TNPO3: variants seen among roughly 807,000 people sequenced by gnomAD.
TNPO3 encodes transportin 3, also known as transportin-3.
In TNPO3, 65 loss-of-function variants were observed where a neutral mutation model predicts 122.8. That is an observed-to-expected ratio of 0.53 (90% CI 0.43 to 0.65). The LOEUF (loss-of-function observed/expected upper bound fraction) is 0.65. Ranked by LOEUF, TNPO3 falls within the 30% of genes least tolerant of loss-of-function variation. The probability of loss-of-function intolerance (pLI) is 0.00; values close to 1 mark genes in which losing one functional copy is unlikely to be tolerated. For synonymous variants in TNPO3, 372 were observed against 411.2 expected (o/e 0.90, Z 1.15); for missense variants, 850 against 1,136.7 (o/e 0.75, Z 3.63).
chr7:128,994,517 G>A (rs1377042759), intron 8 of TNPO3, among the ~76,000 whole-genome samples: 1 of 152,078 alleles, frequency 6.6e-6, no homozygotes, highest in Non-Finnish European at 1.5e-5. Context: ...GGGAGAGTGA[G>A]AAGTGACCTG....
intron 8 of TNPO3, among the ~76,000 whole-genome samples, chr7:128,994,633 T>C (rs1801113846): frequency 6.6e-6 from 1 of 152,070 alleles, no homozygotes; most frequent in Admixed American, 6.5e-5. Context: ...TCAACCACTG[T>C]CACAATAACT....
chr7:129,017,925 C>CA (rs1199769947), intron 2 of TNPO3, 32 bp downstream of exon 2: 2 of 1,606,300 alleles, frequency 1.2e-6, no homozygotes, highest in Non-Finnish European at 8.5e-7. Context: ...AATGGCCATA[C>CA]AAATTTCTCT....
At chr7:128,957,520 T>C (rs1284890381) in intron 21 of TNPO3, among the ~76,000 whole-genome samples, 2 of 152,176 alleles carry the variant, frequency 1.3e-5, no homozygotes, top group Non-Finnish European at 1.5e-5. Flanking sequence ...AGCTTGGTGG[T>C]CTTCAAAGGG....
At chr7:128,997,192 A>T (rs1801426109) in intron 8 of TNPO3, among the ~76,000 whole-genome samples, 197 bp downstream of exon 8, 1 of 152,052 alleles carries the variant, frequency 6.6e-6, no homozygotes, top group Non-Finnish European at 1.5e-5. Context: ...GAGACAGGGG[A>T]TTCCCTATGT....
At chr7:129,026,902 C>T (rs73240327) in intron 1 of TNPO3, among the ~76,000 whole-genome samples, 58,937 of 151,898 alleles carry the variant, frequency 0.39, 12,706 homozygotes, top group Non-Finnish European at 0.48. Context: ...AAGTGATCTG[C>T]CTACCTCAGC....
intron 4 of TNPO3, among the ~76,000 whole-genome samples, chr7:129,005,705 T>A (rs1350861250): frequency 6.6e-6 from 1 of 151,830 alleles, no homozygotes; most frequent in Non-Finnish European, 1.5e-5. Context: ...CAGAAGCCTG[T>A]ACAGCCCACA....
intron 1 of TNPO3, among the ~76,000 whole-genome samples, chr7:129,038,182 C>G (rs4731541): frequency 0.6 from 90,866 of 151,994 alleles, 27,385 homozygotes; most frequent in South Asian, 0.62. Context: ...TTCTTGTCAA[C>G]AATGAGGATG....
intron 19 of TNPO3, 134 bp downstream of exon 19, chr7:128,972,292 T>C (rs1424105514): frequency 2.0e-6 from 2 of 1,013,882 alleles, no homozygotes; most frequent in South Asian, 1.7e-5. Flanking sequence ...GGCTAGTGAA[T>C]GATCCACTAT....
chr7:129,026,304 A>T (rs1805161521), intron 1 of TNPO3, among the ~76,000 whole-genome samples: 1 of 152,140 alleles, frequency 6.6e-6, no homozygotes, highest in African/African-American at 2.4e-5. Flanking sequence ...GCAAACCAGT[A>T]ATCTTAGAGG....
intron 11 of TNPO3, among the ~76,000 whole-genome samples, chr7:128,988,469 T>C (rs1800404327): frequency 6.6e-6 from 1 of 152,170 alleles, no homozygotes; most frequent in African/African-American, 2.4e-5. Context: ...TCTAATAATG[T>C]AGACTTCTGT....
At chr7:128,978,491 T>C (rs1799303892) in intron 16 of TNPO3, among the ~76,000 whole-genome samples, 2 of 152,232 alleles carry the variant, frequency 1.3e-5, no homozygotes, top group Non-Finnish European at 2.9e-5. Context: ...ACTGTGTTGC[T>C]ACTTAGAATA....
intron 1 of TNPO3, among the ~76,000 whole-genome samples, chr7:129,042,138 G>C (rs2150538274): frequency 6.6e-6 from 1 of 152,150 alleles, no homozygotes; most frequent in South Asian, 2.1e-4. Context: ...AAATTAAGCA[G>C]AATTACCTAA....
chr7:128,975,278 T>A (rs558453040), intron 17 of TNPO3, among the ~76,000 whole-genome samples: 2 of 152,188 alleles, frequency 1.3e-5, no homozygotes, highest in Non-Finnish European at 2.9e-5. Context: ...TTAGGTATAG[T>A]CCACTAAGGG....
chr7:128,954,587 C>T lies in TNPO3; in HGVS notation c.*830G>A, dbSNP rs1440140198. On this transcript the variant is annotated 3_prime_UTR_variant, in exon 23 of 23. Transcript: ENST00000265388. ...TGGCTCTTCTCTCCAAGGCAGACAA[C>T]AAACTGATGTGGATTGGAAGTGGAC... 1 of 122,446 alleles carries T rather than the reference C, an allele frequency of 8.2e-6. No individual in the cohort carries two copies. Among genetic ancestry groups the T allele is most frequent in the African/African-American group, 3.1e-5 (1 of 32,072 alleles). The allele number at this position is 122,446 out of a possible 1,614,324, so 7.6% of individuals were successfully genotyped here.
intron 1 of TNPO3, among the ~76,000 whole-genome samples, chr7:129,025,206 C>T (rs1405050342): frequency 4.6e-5 from 7 of 150,710 alleles, no homozygotes; most frequent in South Asian, 2.1e-4. Flanking sequence ...AAAAATTAGC[C>T]GGGCGTGGTG....
intron 1 of TNPO3, among the ~76,000 whole-genome samples, chr7:129,050,847 T>C (rs903130696): frequency 1.3e-5 from 2 of 152,130 alleles, no homozygotes; most frequent in Admixed American, 6.5e-5. Flanking sequence ...CCCTTCTCGA[T>C]GATCCATTAA....
At chr7:129,011,219 G>A (rs1204309999) in intron 4 of TNPO3, among the ~76,000 whole-genome samples, 5 of 152,184 alleles carry the variant, frequency 3.3e-5, no homozygotes, top group Non-Finnish European at 5.9e-5. Flanking sequence ...TCTATAAAAT[G>A]ACTGGTACAA....
At chr7:128,971,138 T>C (rs1490544585) in intron 19 of TNPO3, 1 of 151,950 alleles carries the variant, frequency 6.6e-6, no homozygotes, top group Non-Finnish European at 1.5e-5. Flanking sequence ...TTTTTTCTTC[T>C]TGCGGTCTTT....
At chr7:129,000,179 C>T (rs1457035140) in intron 7 of TNPO3, among the ~76,000 whole-genome samples, 1 of 152,146 alleles carries the variant, frequency 6.6e-6, no homozygotes, top group Non-Finnish European at 1.5e-5. Flanking sequence ...ATTGGAAAGG[C>T]TTGCTTTCTA....
Sources: allele counts gnomAD v4.1 joint callset (sites outside exome capture counted in the v4.1 genomes callset), GRCh38; gene constraint gnomAD v4.1.1; transcripts MANE v1.5; gene names NCBI Gene and HGNC (gene_info 2026-07-23, HGNC 2026-07-21).